The following GPC5 variants were observed in gnomAD, a reference collection of about 807,000 sequenced individuals.
The protein encoded by GPC5 is glypican 5.
GPC5 carries 47 observed loss-of-function variants against 53.9 expected under a neutral mutation model. The ratio of observed to expected loss-of-function variants is 0.87; its 90% CI spans 0.69 to 1.11. The LOEUF (loss-of-function observed/expected upper bound fraction) is 1.11, where lower values mean the gene tolerates loss of function less well. Ranked by LOEUF, GPC5 falls within the 50% of genes most tolerant of loss-of-function variation. The pLI is 0.00. For synonymous variants in GPC5, 286 were observed against 263.3 expected, an observed-to-expected ratio of 1.09 and a Z score of -0.84; for missense variants, 748 against 713.1, an observed-to-expected ratio of 1.05 and a Z score of -0.56.
chr13:91,808,045 C>T (rs1391458647), intron 5 of GPC5, among the ~76,000 whole-genome samples: 3 of 152,034 alleles, frequency 2.0e-5, no homozygotes, highest in Admixed American at 6.6e-5. Context: ...TAAGAGTATA[C>T]AGCTGTGATG....
chr13:92,744,205 T>C (rs901076929), intron 7 of GPC5, among the ~76,000 whole-genome samples: 9 of 150,576 alleles, frequency 6.0e-5, no homozygotes, highest in African/African-American at 2.0e-4. Context: ...AGAAGAATGA[T>C]GCAATAGCAT....
At chr13:92,734,145 C>T (rs1888877923) in intron 7 of GPC5, among the ~76,000 whole-genome samples, 1 of 151,782 alleles carries the variant, frequency 6.6e-6, no homozygotes. Context: ...GTGGCTTAGG[C>T]AATTGCTTAT....
intron 7 of GPC5, among the ~76,000 whole-genome samples, chr13:92,348,306 A>C (rs1424142585): frequency 6.6e-6 from 1 of 151,886 alleles, no homozygotes; most frequent in Admixed American, 6.6e-5. Flanking sequence ...ACAAAAAGAA[A>C]AGCTCAAAAA....
intron 7 of GPC5, among the ~76,000 whole-genome samples, chr13:92,513,382 T>C (rs1334030312): frequency 6.6e-6 from 1 of 152,190 alleles, no homozygotes; most frequent in East Asian, 1.9e-4. Context: ...ATTAATTCAC[T>C]TGGACTGCTG....
chr13:92,854,879 T>G (rs542478482), intron 7 of GPC5, among the ~76,000 whole-genome samples: 2 of 152,122 alleles, frequency 1.3e-5, no homozygotes, highest in South Asian at 4.1e-4. Flanking sequence ...AGAGAAGCTT[T>G]TTAGTTTAAA....
intron 7 of GPC5, among the ~76,000 whole-genome samples, chr13:92,685,544 A>ATTTTTTTTTTTTTAAT (rs1566363588): frequency 2.8e-5 from 3 of 105,614 alleles, no homozygotes; most frequent in East Asian, 5.1e-4. Context: ...AATTATGCTC[A>ATTTTTTTTTTTTTAAT]TTTTTTTTTT....
At chr13:92,349,185 C>A (rs2043453600) in intron 7 of GPC5, among the ~76,000 whole-genome samples, 1 of 152,066 alleles carries the variant, frequency 6.6e-6, no homozygotes, top group Admixed American at 6.6e-5. Context: ...CTCTTGTTGC[C>A]CAGGCTGGAG....
intron 7 of GPC5, among the ~76,000 whole-genome samples, chr13:92,823,162 A>G (rs1202425715): frequency 6.6e-6 from 1 of 152,132 alleles, no homozygotes; most frequent in East Asian, 1.9e-4. Context: ...ACTTAAACTG[A>G]AAAGTAAAGA....
chr13:92,340,962 G>A lies in GPC5; in HGVS notation c.1561+195973G>A, dbSNP rs143134481. On this transcript the variant is annotated intron_variant, in intron 7 of 7. Coordinates refer to ENST00000377067, the MANE Select transcript of GPC5 (RefSeq NM_004466.6). Reference sequence around the variant, plus strand: ...TCTCATAAACCACTAAAGCAGCAAAGGAGTTCTCTTTAACACGTGGTTTTC... The same window carrying A: ...TCTCATAAACCACTAAAGCAGCAAAAGAGTTCTCTTTAACACGTGGTTTTC... 4.6e-5 allele frequency among the ~76,000 whole-genome samples: 7 copies of A among 152,226 alleles called. No individual in the cohort carries two copies. In the East Asian group the frequency reaches 9.7e-4, roughly 21 times the overall value.
intron 7 of GPC5, among the ~76,000 whole-genome samples, chr13:92,830,521 A>G (rs894143907): frequency 6.6e-6 from 1 of 152,102 alleles, no homozygotes; most frequent in Non-Finnish European, 1.5e-5. Context: ...TTGCTTTCAT[A>G]TGTCTTTTAT....
chr13:92,291,814 C>A (rs201942671), intron 7 of GPC5, among the ~76,000 whole-genome samples: 2 of 152,072 alleles, frequency 1.3e-5, no homozygotes, highest in African/African-American at 2.4e-5. Flanking sequence ...CCGGGAGGAA[C>A]GAACAACTCC....
At chr13:92,559,797 C>T (rs1009849852) in intron 7 of GPC5, among the ~76,000 whole-genome samples, 6 of 151,416 alleles carry the variant, frequency 4.0e-5, no homozygotes, top group African/African-American at 1.2e-4. Flanking sequence ...CATTTGGTAT[C>T]TCATGTCTGC....
chr13:91,518,613 C>T (rs1404050865), intron 2 of GPC5, among the ~76,000 whole-genome samples: 4 of 152,020 alleles, frequency 2.6e-5, no homozygotes, highest in Admixed American at 6.6e-5. Context: ...AGTGCAGTGG[C>T]GTGATCTCAG....
In GPC5 at chr13:91,735,112, CT is replaced by C. The variant is rs758750344; in HGVS notation, c.1154+6449del. Among the ~76,000 whole-genome samples, 12 of 151,112 alleles carry C rather than the reference CT, an allele frequency of 7.9e-5. 1 individual carries two copies. Among genetic ancestry groups the C allele is most frequent in the Non-Finnish European group, 1.5e-4 (10 of 67,966 alleles). On this transcript the variant is annotated intron_variant, in intron 4 of 7. Coordinates refer to ENST00000377067, the MANE Select transcript of GPC5 (RefSeq NM_004466.6). The stretch of plus-strand genomic sequence containing the variant: ...AAGATGACCTTGTTAAATATAAATT[CT>C]TAACTTTGATATCAAGGTTATCAAG...
At chr13:91,432,639 A>G (rs2139030108) in intron 1 of GPC5, among the ~76,000 whole-genome samples, 1 of 152,290 alleles carries the variant, frequency 6.6e-6, no homozygotes, top group East Asian at 1.9e-4. Context: ...AAAAACTCAT[A>G]AGAGCTAAAT....
chr13:92,603,800 A>G (rs1231382543), intron 7 of GPC5, among the ~76,000 whole-genome samples: 1 of 152,158 alleles, frequency 6.6e-6, no homozygotes, highest in Non-Finnish European at 1.5e-5. Flanking sequence ...GTTTTGTGCC[A>G]TCATTCAATA....
At chr13:92,830,554 A>G (rs906483545) in intron 7 of GPC5, among the ~76,000 whole-genome samples, 2 of 152,132 alleles carry the variant, frequency 1.3e-5, no homozygotes, top group African/African-American at 4.8e-5. Context: ...AATGAGAATA[A>G]ACCACATTCA....
chr13:91,653,900 T>C (rs1190760158), intron 2 of GPC5, among the ~76,000 whole-genome samples: 1 of 152,154 alleles, frequency 6.6e-6, no homozygotes. Context: ...AATACCAAGA[T>C]AGTGAACATA....
At chr13:92,064,764 A>AACAAAACAAAAC (rs2041154322) in intron 6 of GPC5, among the ~76,000 whole-genome samples, 1 of 138,364 alleles carries the variant, frequency 7.2e-6, no homozygotes, top group African/African-American at 2.6e-5. Context: ...CTCAAAAAAA[A>AACAAAACAAAAC]AAAACAAAAC....
Sources: allele counts gnomAD v4.1 joint callset (sites outside exome capture counted in the v4.1 genomes callset), GRCh38; gene constraint gnomAD v4.1.1; transcripts MANE v1.5; gene names NCBI Gene and HGNC (gene_info 2026-07-23, HGNC 2026-07-21).